TANK: variants seen among roughly 807,000 people sequenced by gnomAD.
TANK encodes the protein TRAF family member-associated NF-kappa-B activator.
In TANK, 15 loss-of-function variants were observed where a neutral mutation model predicts 43.6. The observed-to-expected ratio is 0.34, with a 90% CI of 0.23 to 0.53. The LOEUF (loss-of-function observed/expected upper bound fraction) is 0.53, where lower values mean the gene tolerates loss of function less well. Among genes scored for constraint, TANK ranks in the 20% least tolerant of loss-of-function variants. The probability of loss-of-function intolerance (pLI) is 0.94; values close to 1 mark genes in which losing one functional copy is unlikely to be tolerated. For missense variants in TANK, 417 were observed against 498.6 expected, an observed-to-expected ratio of 0.84 and a Z score of 1.56; for synonymous variants, 162 against 178.2, an observed-to-expected ratio of 0.91 and a Z score of 0.73.
chr2:161,177,265 T>C (rs1484617006), intron 1 of TANK, among the ~76,000 whole-genome samples: 1 of 152,168 alleles, frequency 6.6e-6, no homozygotes, highest in Non-Finnish European at 1.5e-5. Context: ...AATGACATTG[T>C]TATCCAAAAC....
rs1041775385 is a variant in TANK at position 161,142,857 on chromosome 2, G to GA, written c.-50+5799dup. 6.2e-4 allele frequency among the ~76,000 whole-genome samples: 94 copies of GA among 152,150 alleles called. 1 individual carries two copies. The highest frequency in any genetic ancestry group is 2.1e-3 in the African/African-American group (89 of 41,526). On this transcript the variant is annotated intron_variant, in intron 1 of 7. Coordinates refer to the TANK transcript ENST00000259075. Reference sequence around the variant, plus strand: ...AAAGTAGTTTTTTTTCTAATTCTGTGAAAAATGTCAGTGGTAGTTTGATGG... The same window carrying GA: ...AAAGTAGTTTTTTTTCTAATTCTGTGAAAAAATGTCAGTGGTAGTTTGATGG...
Position 161,235,484 on chromosome 2 carries a change from G to A in TANK, c.1244G>A (p.Arg415Gln), listed in dbSNP as rs996723124. ...PSITSRGDFL[R>Q]HLNSHFNGET ...ATTACATCCAGGGGGGATTTCCTTCGGCATCTTAATTCACACTTCAATGGA... is the reference window on the plus strand; with the variant it reads ...ATTACATCCAGGGGGGATTTCCTTCAGCATCTTAATTCACACTTCAATGGA... Residue 415 changes from arginine to glutamine, a missense_variant, in exon 8 of 8, where the codon CGG becomes CAG. Arg to Gln is a conservative substitution (Grantham distance 43). Transcript: ENST00000392749. The A allele has an allele frequency of 6.2e-7, 1 of 1,612,468 alleles. No homozygotes were observed. The highest frequency in any genetic ancestry group is 8.5e-7 in the Non-Finnish European group (1 of 1,179,326).
At chr2:161,215,866 A>G (rs1687094093) in intron 4 of TANK, among the ~76,000 whole-genome samples, 1 of 151,974 alleles carries the variant, frequency 6.6e-6, no homozygotes, top group South Asian at 2.1e-4. Flanking sequence ...TTCCTGAAAG[A>G]TTTTTTTTCT....
rs150909117 is a variant in TANK, at chr2:161,149,801, A to G, written c.-50+12738A>G. On this transcript the variant is annotated intron_variant, in intron 1 of 7. Transcript: ENST00000259075. The stretch of plus-strand genomic sequence containing the variant: ...GTGCATTGCCCGAAGTGATTTTCTT[A>G]TGTTGAACCACCCTTGCGTTACAGG... Among the ~76,000 whole-genome samples, 182 of 147,864 alleles carry G rather than the reference A, an allele frequency of 1.2e-3. 2 individuals are homozygous for G. Among genetic ancestry groups the G allele is most frequent in the African/African-American group, 4.4e-3 (176 of 39,978 alleles).
intron 2 of TANK, among the ~76,000 whole-genome samples, chr2:161,199,441 CA>C (rs966305034): frequency 9.9e-4 from 142 of 143,934 alleles, no homozygotes; most frequent in African/African-American, 1.6e-3. Context: ...TTGGAAAATA[CA>C]AAAAAAAAAT....
At chr2:161,137,362 TAATA>T (rs533122094) in intron 1 of TANK, 2 of 355,780 alleles carry the variant, frequency 5.6e-6, no homozygotes, top group South Asian at 1.1e-4. Flanking sequence ...CATCTCTATT[TAATA>T]AATAAATAAG....
At chr2:161,206,917 G>C (rs1686677832) in intron 4 of TANK, among the ~76,000 whole-genome samples, 1 of 151,970 alleles carries the variant, frequency 6.6e-6, no homozygotes, top group Non-Finnish European at 1.5e-5. Flanking sequence ...GAAAGTAATA[G>C]AATATCTCCA....
intron 1 of TANK, among the ~76,000 whole-genome samples, chr2:161,166,512 A>G (rs1479622135): frequency 1.3e-5 from 2 of 152,232 alleles, no homozygotes; most frequent in African/African-American, 2.4e-5. Flanking sequence ...TAACCATCCA[A>G]AAGAGAAGAT....
At chr2:161,195,654 GGA>G (rs1686112580) in intron 2 of TANK, among the ~76,000 whole-genome samples, 1 of 151,908 alleles carries the variant, frequency 6.6e-6, no homozygotes, top group Non-Finnish European at 1.5e-5. Context: ...TGAGGGGTAG[GGA>G]AAAAGTATGG....
At chr2:161,191,208 AAGG>A (rs1197154881) in intron 2 of TANK, among the ~76,000 whole-genome samples, 3 of 152,214 alleles carry the variant, frequency 2.0e-5, no homozygotes, top group Non-Finnish European at 4.4e-5. Context: ...CCAAATTGAT[AAGG>A]GAGGTAAAGA....
At chr2:161,203,448 A>T (rs780236903) in intron 2 of TANK, 39 bp from the exon 3 acceptor site, 7 of 1,321,932 alleles carry the variant, frequency 5.3e-6, no homozygotes, top group Non-Finnish European at 7.6e-6. Flanking sequence ...GTTCATGTCT[A>T]TCAGTGAATA....
chr2:161,137,347 G>A, intron 1 of TANK: 1 of 415,720 alleles, frequency 2.4e-6, no homozygotes, highest in Non-Finnish European at 3.2e-6. Flanking sequence ...AACATAGTGA[G>A]ACCCCATCTC....
At chr2:161,221,534 A>G (rs1255768091) in intron 4 of TANK, among the ~76,000 whole-genome samples, 3 of 152,156 alleles carry the variant, frequency 2.0e-5, no homozygotes, top group Non-Finnish European at 4.4e-5. Flanking sequence ...CTAATCCTAA[A>G]TCCTTTGAAA....
At chr2:161,202,102 G>A (rs1300675884) in intron 2 of TANK, among the ~76,000 whole-genome samples, 1 of 149,454 alleles carries the variant, frequency 6.7e-6, no homozygotes, top group Non-Finnish European at 1.5e-5. Flanking sequence ...TATCAGCTTT[G>A]TCAGTTATTC....
intron 1 of TANK, among the ~76,000 whole-genome samples, chr2:161,155,089 T>C (rs1376033182): frequency 2.0e-5 from 3 of 152,130 alleles, no homozygotes; most frequent in African/African-American, 7.2e-5. Flanking sequence ...GTTATTTATC[T>C]TCATATTAAA....
intron 1 of TANK, among the ~76,000 whole-genome samples, chr2:161,142,479 A>G (rs753504376): frequency 3.3e-5 from 5 of 152,148 alleles, no homozygotes; most frequent in Non-Finnish European, 5.9e-5. Context: ...TCTTTAATCC[A>G]TCTTGAGTTA....
chr2:161,163,459 C>T (rs763174752), intron 1 of TANK: 15 of 152,124 alleles, frequency 9.9e-5, no homozygotes, highest in Non-Finnish European at 1.6e-4. Context: ...TGTAGGTAGG[C>T]TGAGGCTGTT....
At chr2:161,161,288 A>T in intron 1 of TANK, 2 of 1,550,576 alleles carry the variant, frequency 1.3e-6, no homozygotes, top group Non-Finnish European at 1.7e-6. Flanking sequence ...CTCACAGGAG[A>T]TGCTTTTGAC....
chr2:161,179,918 G>A, intron 2 of TANK, 157 bp downstream of exon 2: 2 of 1,271,132 alleles, frequency 1.6e-6, no homozygotes, highest in South Asian at 5.9e-5. Flanking sequence ...TGAAGTTTTT[G>A]TTTGTTGTTT....
Sources: gnomAD v4.1 joint callset for allele counts (sites outside exome capture counted in the v4.1 genomes callset) on GRCh38, gnomAD v4.1.1 for gene constraint, MANE v1.5 for transcripts, NCBI Gene and HGNC (gene_info 2026-07-23, HGNC 2026-07-21) for gene names.